The following NDUFAF6 variants were observed in gnomAD, a reference collection of about 807,000 sequenced individuals.
NDUFAF6 encodes the protein NADH:ubiquinone oxidoreductase complex assembly factor 6.
A neutral mutation model predicts 40.8 loss-of-function variants in NDUFAF6; 45 were observed. The observed-to-expected ratio is 1.10, with a 90% CI of 0.87 to 1.42. NDUFAF6 has a LOEUF of 1.42. NDUFAF6 is among the 40% of genes most tolerant of loss of function. NDUFAF6 has a pLI of 0.00. For synonymous variants in NDUFAF6, 185 were observed against 155.9 expected (o/e 1.19, Z -1.39); for missense variants, 435 against 418.5 (o/e 1.04, Z -0.34).
At chr8:95,057,507 T>C (rs958114591) in intron 8 of NDUFAF6, among the ~76,000 whole-genome samples, 1 of 152,220 alleles carries the variant, frequency 6.6e-6, no homozygotes, top group South Asian at 2.1e-4. Context: ...CCACCAAATC[T>C]AGTAATAAGG....
chr8:95,058,732 C>A (rs1054966287), downstream of NDUFAF6: 220 of 993,230 alleles, frequency 2.2e-4, no homozygotes, highest in Non-Finnish European at 2.4e-4. Flanking sequence ...CTGCGCTATA[C>A]ATTGTGCTTC....
At chr8:95,048,652 A>C (rs1312070667) in intron 7 of NDUFAF6, 94 bp downstream of exon 7, 6 of 910,878 alleles carry the variant, frequency 6.6e-6, no homozygotes, top group Middle Eastern at 4.2e-4. Flanking sequence ...CCAACTTGGC[A>C]GTCTTTTTTC....
intron 1 of NDUFAF6, chr8:94,896,602 C>T (rs1020619678): frequency 6.6e-6 from 1 of 152,006 alleles, no homozygotes; most frequent in African/African-American, 2.4e-5. Context: ...CGCGGTAGCT[C>T]GGGCGGGCCG....
At chr8:95,015,635 C>A (rs7008542) in intron 2 of NDUFAF6, among the ~76,000 whole-genome samples, 21,843 of 152,144 alleles carry the variant, frequency 0.14, 1,592 homozygotes, top group Middle Eastern at 0.25. Flanking sequence ...GATAACTATT[C>A]ATATTGATAG....
chr8:94,962,723 C>A (rs1031070073), intron 1 of NDUFAF6, among the ~76,000 whole-genome samples: 5 of 152,040 alleles, frequency 3.3e-5, no homozygotes, highest in African/African-American at 4.8e-5. Context: ...AGTGATCCTC[C>A]CACCTTGGCT....
downstream of NDUFAF6, among the ~76,000 whole-genome samples, chr8:95,118,269 C>A (rs1237678289): frequency 1.3e-5 from 2 of 152,186 alleles, no homozygotes; most frequent in African/African-American, 4.8e-5. Flanking sequence ...TTCTTACAAG[C>A]TACCCCTGGA....
At chr8:95,059,491 A>G (rs1832512579), downstream of NDUFAF6, among the ~76,000 whole-genome samples, 2 of 152,214 alleles carry the variant, frequency 1.3e-5, no homozygotes, top group Admixed American at 6.5e-5. Context: ...TGATGTTGAA[A>G]GTAGATCCCC....
At chr8:95,047,859 G>T (rs888143397) in intron 6 of NDUFAF6, among the ~76,000 whole-genome samples, 1 of 150,406 alleles carries the variant, frequency 6.6e-6, no homozygotes, top group Non-Finnish European at 1.5e-5. Context: ...CAAACTTTTT[G>T]TATGTTTCTT....
intron 1 of NDUFAF6, among the ~76,000 whole-genome samples, chr8:94,937,895 G>C (rs978385977): frequency 6.6e-6 from 1 of 152,126 alleles, no homozygotes; most frequent in Admixed American, 6.6e-5. Flanking sequence ...TATCTGAATG[G>C]GAGTGGACTG....
chr8:95,104,082 G>T (rs1269863043), downstream of NDUFAF6, among the ~76,000 whole-genome samples: 1 of 151,924 alleles, frequency 6.6e-6, no homozygotes, highest in African/African-American at 2.4e-5. Context: ...TCACTATGTT[G>T]CCCAGGCTGG....
upstream of NDUFAF6, among the ~76,000 whole-genome samples, chr8:95,096,745 A>G (rs1809475995): frequency 6.6e-6 from 1 of 152,204 alleles, no homozygotes; most frequent in Admixed American, 6.5e-5. Flanking sequence ...TTTCACCTGT[A>G]TCATTCTCTC....
downstream of NDUFAF6, among the ~76,000 whole-genome samples, chr8:95,059,512 C>T (rs1390555133): frequency 6.6e-6 from 1 of 152,160 alleles, no homozygotes. Context: ...TTCTTTAATT[C>T]TGTGGCTTTC....
At chr8:94,977,467 G>A (rs1825056973) in intron 1 of NDUFAF6, among the ~76,000 whole-genome samples, 1 of 150,156 alleles carries the variant, frequency 6.7e-6, no homozygotes, top group African/African-American at 2.5e-5. Context: ...AGGCTGCTGT[G>A]AGCCATGATC....
intron 4 of NDUFAF6, among the ~76,000 whole-genome samples, chr8:95,042,665 G>A (rs1459689191): frequency 6.6e-6 from 1 of 152,096 alleles, no homozygotes; most frequent in Non-Finnish European, 1.5e-5. Flanking sequence ...GAAATGCAAG[G>A]GACCCAGAAT....
chr8:95,116,447 G>A (rs1810138133), exon 6 of NDUFAF6: 1 of 151,910 alleles, frequency 6.6e-6, no homozygotes, highest in Admixed American at 6.6e-5. Context: ...CAACCCCCTG[G>A]GCTCAAGCGA....
intron 2 of NDUFAF6, among the ~76,000 whole-genome samples, chr8:95,019,251 CT>C (rs755621519): frequency 2.6e-5 from 4 of 152,254 alleles, no homozygotes; most frequent in Non-Finnish European, 5.9e-5. Flanking sequence ...CTCAAGTGAT[CT>C]GCCTGCCTTG....
chr8:94,912,812 C>CAA (rs11294663), intron 1 of NDUFAF6, among the ~76,000 whole-genome samples: 1 of 118,112 alleles, frequency 8.5e-6, no homozygotes, highest in Non-Finnish European at 1.8e-5. Context: ...GACTCCGTCT[C>CAA]AAAAAAAAAA....
intron 1 of NDUFAF6, chr8:94,930,504 G>A: frequency 1.2e-6 from 2 of 1,614,188 alleles, no homozygotes; most frequent in Non-Finnish European, 1.7e-6. Context: ...ACGCGGGCAG[G>A]GCTGATGAAC....
At chr8:94,930,120 T>C (rs1478544375) in intron 1 of NDUFAF6, 1 of 211,260 alleles carries the variant, frequency 4.7e-6, no homozygotes, top group Admixed American at 5.3e-5. Flanking sequence ...GATTAAGTAA[T>C]ACAAAATAAA....
Sources: gnomAD v4.1 joint callset for allele counts (sites outside exome capture counted in the v4.1 genomes callset) on GRCh38, gnomAD v4.1.1 for gene constraint, MANE v1.5 for transcripts, NCBI Gene and HGNC (gene_info 2026-07-23, HGNC 2026-07-21) for gene names.